RFX1: variants seen among roughly 807,000 people sequenced by gnomAD.
RFX1 encodes regulatory factor X1, also known as MHC class II regulatory factor RFX1.
A neutral mutation model predicts 119.6 loss-of-function variants in RFX1; 42 were observed. That is an observed-to-expected ratio of 0.35 (90% CI 0.27 to 0.45). The LOEUF is 0.45. RFX1 is among the 20% of genes least tolerant of loss of function. The pLI, the probability that RFX1 is intolerant of heterozygous loss-of-function variation, is 1.00. For synonymous variants in RFX1, 628 were observed against 618.5 expected, an observed-to-expected ratio of 1.02 and a Z score of -0.23; for missense variants, 1,118 against 1,368.1, an observed-to-expected ratio of 0.82 and a Z score of 2.88.
At position 13,986,508 on chromosome 19, in the gene RFX1, C is replaced by A. The variant is rs1420023656; in HGVS notation, c.320-2913G>T. 6.6e-6 allele frequency among the ~76,000 whole-genome samples: 1 copy of A among 152,158 alleles called. No individual in the cohort carries two copies. The highest frequency in any genetic ancestry group is 2.4e-5 in the African/African-American group (1 of 41,444). ...CTGTCTGCCTGCGGCCGGGGCAGGG[C>A]CCCTCCACCACTGGGTCTGGCCCTC... On this transcript the variant is annotated intron_variant, in intron 2 of 20. Coordinates refer to ENST00000254325, the MANE Select transcript of RFX1 (RefSeq NM_002918.5). This position sits in a 1 kb window ranked among gnomAD's most constrained non-coding sequence, Gnocchi z 4.2.
rs933891037 is a variant in RFX1, at chr19:13,986,639, G to T, written c.320-3044C>A. ...CCGGAGATCGCCACTCTGGGCATGC[G>T]CAGGAGGCCAGGGAGGCCCCCACTG... On this transcript the variant is annotated intron_variant, in intron 2 of 20. Transcript: ENST00000254325. This position sits in a 1 kb window ranked among gnomAD's most constrained non-coding sequence, Gnocchi z 4.2. 6.6e-6 allele frequency among the ~76,000 whole-genome samples: 1 copy of T among 152,154 alleles called. No individual in the cohort carries two copies. The highest frequency in any genetic ancestry group is 1.5e-5 in the Non-Finnish European group (1 of 68,010).
chr19:13,977,440 G>A (rs1471282967), intron 8 of RFX1, among the ~76,000 whole-genome samples: 1 of 150,156 alleles, frequency 6.7e-6, no homozygotes, highest in African/African-American at 2.4e-5. Flanking sequence ...TTTTTGAGAT[G>A]GAGTGTCACT....
intron 8 of RFX1, among the ~76,000 whole-genome samples, chr19:13,976,448 C>G (rs1186600972): frequency 6.6e-6 from 1 of 152,206 alleles, no homozygotes; most frequent in Non-Finnish European, 1.5e-5. Context: ...GAGCCCGAGC[C>G]GGGACTGAAG....
intron 2 of RFX1, among the ~76,000 whole-genome samples, chr19:13,987,057 CTCTG>C (rs934660469): frequency 2.0e-5 from 3 of 152,254 alleles, no homozygotes; most frequent in African/African-American, 7.2e-5. Context: ...CACTCCACTT[CTCTG>C]TCTGGACACA....
chr19:14,004,871 ATT>A (rs1256788723), intron 1 of RFX1, among the ~76,000 whole-genome samples: 8 of 152,224 alleles, frequency 5.3e-5, no homozygotes, highest in Admixed American at 2.0e-4. Context: ...CTGGCAGGAT[ATT>A]GTCACCCTAA....
chr19:14,005,727 C>T (rs2145655291), intron 1 of RFX1, among the ~76,000 whole-genome samples: 1 of 152,296 alleles, frequency 6.6e-6, no homozygotes, highest in South Asian at 2.1e-4. Context: ...CAGCCGGCCC[C>T]GCCCATACCT....
rs201223597 is a variant in RFX1 at position 13,968,677 on chromosome 19, G to C, written c.1620C>G (p.Leu540=). Reference sequence around the variant, plus strand: ...TGCCTTCCATCTTCTGGATGGGCTTGAGCCTGGAGTAGAATGGGCAGGTGG... The same window carrying C: ...TGCCTTCCATCTTCTGGATGGGCTTCAGCCTGGAGTAGAATGGGCAGGTGG... The part of the protein sequence containing the change: ...RGQPFSQKQR[L]KPIQKMEGMT... Residue 540 remains leucine (L), a synonymous_variant, in exon 12 of 21, where the codon CTC becomes CTG. Transcript: ENST00000254325. This position sits in a 1 kb window ranked among gnomAD's most constrained non-coding sequence, Gnocchi z 5.5. 2.5e-6 allele frequency: 4 copies of C among 1,612,970 alleles called. No homozygotes were observed. The highest frequency in any genetic ancestry group is 2.2e-5 in the East Asian group (1 of 44,886).
Position 13,961,755 on chromosome 19 carries a change from T to C in RFX1, c.*940A>G, listed in dbSNP as rs1973669719. 6.6e-6 allele frequency: 1 copy of C among 152,354 alleles called. No individual in the cohort carries two copies. The highest frequency in any genetic ancestry group is 6.5e-5 in the Admixed American group (1 of 15,282). The allele number at this position is 152,354 out of a possible 1,614,324, so 9.4% of individuals were successfully genotyped here. On this transcript the variant is annotated 3_prime_UTR_variant, in exon 21 of 21. Coordinates refer to ENST00000254325, the MANE Select transcript of RFX1 (RefSeq NM_002918.5). ...CAGATTTCCATTTTTTTTTCCTTTT[T>C]CTTGCCATAAACATCTATCTCACAG...
Position 13,968,115 on chromosome 19 carries a change from A to G in RFX1, c.1732+450T>C, listed in dbSNP as rs60571999. On this transcript the variant is annotated intron_variant, in intron 12 of 20. Coordinates refer to ENST00000254325, the MANE Select transcript of RFX1 (RefSeq NM_002918.5). This position sits in a 1 kb window ranked among gnomAD's most constrained non-coding sequence, Gnocchi z 5.5. ...CTAAAGTTACTAAAATTAGCCAGGC[A>G]TAGTGGCACGTGCCTGTAGTTCCAG... is the stretch of plus-strand genomic sequence containing the variant. 0.062 allele frequency among the ~76,000 whole-genome samples: 9,459 copies of G among 152,074 alleles called. 974 individuals are homozygous for G. Among genetic ancestry groups the G allele is most frequent in the African/African-American group, 0.21 (8,768 of 41,434 alleles).
rs1175106112 is a variant in RFX1 at position 13,963,728 on chromosome 19, A to C, written c.2380T>G (p.Cys794Gly). 1 of 1,597,310 alleles carries C rather than the reference A, an allele frequency of 6.3e-7. No individual in the cohort carries two copies. ...TGCACCACGCGGTCCTCGCAGCGGC[A>C]CACCCACGAGGCCTGCTCCTGGGGC... is the stretch of plus-strand genomic sequence containing the variant. ...ANVQEQASWV[C>G]RCEDRVVQRL... Residue 794 changes from cysteine to glycine, a missense_variant, in exon 18 of 21, where the codon TGC becomes GGC. Coordinates refer to ENST00000254325, the MANE Select transcript of RFX1 (RefSeq NM_002918.5).
chr19:13,996,210 C>T (rs1361897467), intron 1 of RFX1, among the ~76,000 whole-genome samples: 3 of 152,166 alleles, frequency 2.0e-5, no homozygotes, highest in East Asian at 1.9e-4. Flanking sequence ...AGGTCCAAAG[C>T]ATTTGAGGGA....
chr19:13,978,081 C>T lies in RFX1; in HGVS notation c.840G>A (p.Gln280=). The T allele has an allele frequency of 6.2e-7, 1 of 1,612,898 alleles. No individual in the cohort carries two copies. Residue 280 remains glutamine (Q), a synonymous_variant, in exon 8 of 21, where the codon CAG becomes CAA. Coordinates refer to ENST00000254325, the MANE Select transcript of RFX1 (RefSeq NM_002918.5). ...LQPVHVAQEV[Q]QLQQVPVPHV... is the part of the protein sequence containing the mutation. ...GTGGGACGGGCACCTGCTGGAGCTG[C>T]TGCACCTGGGGCAGAGGAAGGGCAC...
At chr19:13,979,387 C>A in intron 7 of RFX1, 60 bp downstream of exon 7, 1 of 1,265,746 alleles carries the variant, frequency 7.9e-7, no homozygotes, top group Non-Finnish European at 1.1e-6. Context: ...GGCCTGCACT[C>A]CCCAGCCCCA....
chr19:13,996,896 G>A (rs537565149), intron 1 of RFX1, among the ~76,000 whole-genome samples: 1 of 151,940 alleles, frequency 6.6e-6, no homozygotes, highest in East Asian at 1.9e-4. Flanking sequence ...GCTAATTTTC[G>A]TGTTTTTAGT....
chr19:13,969,953 C>T lies in RFX1; in HGVS notation c.1496+41G>A. ...TGGGGGTGGGCCTTGGCATGCCCAC[C>T]AATTCCCCAGGGACTGCTGGGAGTA... On this transcript the variant is annotated intron_variant, in intron 10 of 20. Coordinates refer to ENST00000254325, the MANE Select transcript of RFX1 (RefSeq NM_002918.5). The surrounding 1 kb of genome is among the most constrained non-coding windows in gnomAD (Gnocchi z 4.5). 1.3e-6 allele frequency: 2 copies of T among 1,559,136 alleles called. No homozygotes were observed. Among genetic ancestry groups the T allele is most frequent in the Non-Finnish European group, 1.7e-6 (2 of 1,150,386 alleles).
rs529620881 is a variant in RFX1, at chr19:13,984,923, G to T, written c.320-1328C>A. 2.0e-5 allele frequency among the ~76,000 whole-genome samples: 3 copies of T among 151,360 alleles called. No individual in the cohort carries two copies. The East Asian group carries it at 5.9e-4, about 30-fold the overall frequency. On this transcript the variant is annotated intron_variant, in intron 2 of 20. Coordinates refer to ENST00000254325, the MANE Select transcript of RFX1 (RefSeq NM_002918.5). The stretch of plus-strand genomic sequence containing the variant: ...CACCCAGGCTGGAGTGCAGTAGCAC[G>T]ATCTTGGCTCACTGCAACCTCTGTC...
intron 1 of RFX1, among the ~76,000 whole-genome samples, chr19:13,994,759 ATT>A (rs1491108839): frequency 5.2e-5 from 5 of 95,310 alleles, no homozygotes; most frequent in Non-Finnish European, 9.0e-5. Context: ...GTGTGTGTGT[ATT>A]TTTTTACTTA....
intron 9 of RFX1, among the ~76,000 whole-genome samples, chr19:13,971,663 G>A (rs1384041736): frequency 3.3e-5 from 5 of 152,024 alleles, no homozygotes; most frequent in Non-Finnish European, 7.4e-5. Context: ...CTGAGGCCAG[G>A]ATTTTGAGAC....
chr19:13,973,149 G>C (rs1238490904), intron 8 of RFX1, 22 bp from the exon 9 acceptor site: 4 of 1,574,002 alleles, frequency 2.5e-6, no homozygotes, highest in Non-Finnish European at 2.6e-6. Flanking sequence ...GCAAAGCCAA[G>C]GGAGAGTCAG....
Sources: allele counts gnomAD v4.1 joint callset (sites outside exome capture counted in the v4.1 genomes callset), GRCh38; gene constraint gnomAD v4.1.1; non-coding constraint Gnocchi (gnomAD v3.1); transcripts MANE v1.5; gene names NCBI Gene and HGNC (gene_info 2026-07-23, HGNC 2026-07-21).